Variants in CEP95 observed in about 807,000 individuals in gnomAD.
CEP95 encodes centrosomal protein of 95 kDa.
Under a neutral mutation model 111.2 loss-of-function variants are expected in CEP95, and 98 were observed. The ratio of observed to expected loss-of-function variants is 0.88; its 90% CI spans 0.75 to 1.04. The LOEUF is 1.04. CEP95 is among the 50% of genes least tolerant of loss of function. The pLI, the probability that CEP95 is intolerant of heterozygous loss-of-function variation, is 0.00. For missense variants in CEP95, 1,027 were observed against 977.2 expected, an observed-to-expected ratio of 1.05 and a Z score of -0.68; for synonymous variants, 323 against 327.1, an observed-to-expected ratio of 0.99 and a Z score of 0.14.
At chr17:64,508,850 TATTAA>T (rs1271446405) in intron 2 of CEP95, 130 bp downstream of exon 2, 44 of 214,034 alleles carry the variant, frequency 2.1e-4, no homozygotes, top group Non-Finnish European at 3.9e-4. Flanking sequence ...TAATATTGCA[TATTAA>T]ATTCTATATT....
At chr17:64,522,009 A>G (rs552510612) in intron 7 of CEP95, among the ~76,000 whole-genome samples, 1 of 152,060 alleles carries the variant, frequency 6.6e-6, no homozygotes, top group African/African-American at 2.4e-5. Context: ...GGCGCTTGCT[A>G]CCACGCCCAG....
In CEP95 at chr17:64,511,021, CCAG is replaced by C. The variant is rs533172868; in HGVS notation, c.256+744_256+746del. Reference sequence around the variant, plus strand: ...CGTGATGCCCCACAAGCTGCAAAAACCAGCAAGTTTTTATTAGGGATTTTCAAA... The same window carrying C: ...CGTGATGCCCCACAAGCTGCAAAAACCAAGTTTTTATTAGGGATTTTCAAA... On this transcript the variant is annotated intron_variant, in intron 3 of 19. Coordinates refer to ENST00000556440, the MANE Select transcript of CEP95 (RefSeq NM_138363.3). Among the ~76,000 whole-genome samples the C allele has an allele frequency of 4.3e-4, 65 of 152,228 alleles. 1 individual carries two copies. In the East Asian group the frequency reaches 0.012, roughly 28 times the overall value.
Position 64,531,960 on chromosome 17 carries a change from C to T in CEP95, c.1610C>T (p.Ser537Phe), listed in dbSNP as rs781956286. 3 of 1,611,092 alleles carry T rather than the reference C, an allele frequency of 1.9e-6. No homozygotes were observed. The highest frequency in any genetic ancestry group is 1.7e-5 in the Admixed American group (1 of 59,170). ...TGTAGTCAGCCCTGGAAGATTTACT[C>T]TAGAAAAACCACAACGCAGAGTCTA... The part of the protein sequence containing the change: ...PECSQPWKIY[S>F]RKTTTQSLRG... The change falls in exon 14 of 20, where the codon TCT (serine) becomes TTT (phenylalanine). Residue 537 changes from serine to phenylalanine, a missense_variant. Transcript: ENST00000556440.
chr17:64,507,864 A>C (rs1332979556), intron 1 of CEP95: 1 of 985,450 alleles, frequency 1.0e-6, no homozygotes, highest in South Asian at 4.7e-5. Context: ...TTCAAGGAAC[A>C]AGTATTTTAA....
intron 5 of CEP95, among the ~76,000 whole-genome samples, chr17:64,518,833 A>G (rs543313783): frequency 6.6e-6 from 1 of 152,196 alleles, no homozygotes; most frequent in Admixed American, 6.5e-5. Flanking sequence ...GGCGCCTGCC[A>G]CCACGTCCAG....
intron 11 of CEP95, among the ~76,000 whole-genome samples, chr17:64,527,472 A>G (rs1051496152): frequency 9.2e-5 from 14 of 152,178 alleles, no homozygotes; most frequent in African/African-American, 3.4e-4. Flanking sequence ...TGTTTAAGAA[A>G]TAAAACAGTA....
chr17:64,529,870 G>A (rs530897731), intron 12 of CEP95, among the ~76,000 whole-genome samples: 3 of 152,300 alleles, frequency 2.0e-5, no homozygotes, highest in African/African-American at 7.2e-5. Flanking sequence ...GTGGAATGTG[G>A]ATTTTGAAAT....
rs558652447 is a variant in CEP95, at chr17:64,510,909, C to T, written c.256+629C>T. ...CTTTTCTATTTTATCTAAGCATCGG[C>T]AGGTTTGAGAAATAAAGGGACAGAG... On this transcript the variant is annotated intron_variant, in intron 3 of 19. Coordinates refer to ENST00000556440, the MANE Select transcript of CEP95 (RefSeq NM_138363.3). Among the ~76,000 whole-genome samples the T allele has an allele frequency of 4.6e-5, 7 of 152,194 alleles. No individual in the cohort carries two copies. In the East Asian group the frequency reaches 1.2e-3, roughly 25 times the overall value.
At chr17:64,536,837 C>T (rs782493914) in intron 18 of CEP95, 89 bp downstream of exon 18, 2 of 1,443,306 alleles carry the variant, frequency 1.4e-6, no homozygotes, top group Non-Finnish European at 1.9e-6. Flanking sequence ...TGACAATAAA[C>T]CTTGTGTTAA....
intron 8 of CEP95, 32 bp downstream of exon 8, chr17:64,522,927 G>C (rs1967474594): frequency 1.3e-6 from 2 of 1,522,764 alleles, no homozygotes. Flanking sequence ...CAGTTGGCTA[G>C]AAGTACACTT....
chr17:64,512,971 A>G (rs1278758282), intron 3 of CEP95, among the ~76,000 whole-genome samples: 1 of 152,188 alleles, frequency 6.6e-6, no homozygotes, highest in Non-Finnish European at 1.5e-5. Context: ...GAAAAATTGT[A>G]AAACAGTTTC....
intron 2 of CEP95, among the ~76,000 whole-genome samples, chr17:64,509,707 A>G (rs2038784142): frequency 6.6e-6 from 1 of 151,906 alleles, no homozygotes; most frequent in Admixed American, 6.6e-5. Flanking sequence ...ATAAACATAC[A>G]TATGTGTATA....
intron 13 of CEP95, among the ~76,000 whole-genome samples, chr17:64,531,356 C>G (rs1968268854): frequency 6.6e-6 from 1 of 152,150 alleles, no homozygotes; most frequent in Non-Finnish European, 1.5e-5. Context: ...GACAGAACAT[C>G]CTAGTTGGCT....
chr17:64,537,327 G>A, intron 19 of CEP95: 2 of 1,405,590 alleles, frequency 1.4e-6, no homozygotes, highest in Non-Finnish European at 1.9e-6. Flanking sequence ...CCATCATTAA[G>A]TGACACATGA....
At chr17:64,537,440 T>C in intron 19 of CEP95, 163 bp from the exon 20 acceptor site, 2 of 1,382,072 alleles carry the variant, frequency 1.4e-6, no homozygotes, top group South Asian at 3.9e-5. Flanking sequence ...AAGACATTTT[T>C]ATCCTATGAT....
Position 64,519,170 on chromosome 17 carries a change from T to C in CEP95, c.474-151T>C, listed in dbSNP as rs1394938942. ...TATACAGCTATTTCTACCATTCATA[T>C]ATCAGTGAAAACAAAACATAAGCAG... On this transcript the variant is annotated intron_variant, in intron 5 of 19. Transcript: ENST00000556440. The C allele has an allele frequency of 8.4e-6, 5 of 594,706 alleles. No homozygotes were observed. The East Asian group carries it at 1.4e-4, about 16-fold the overall frequency. The allele number at this position is 594,706 out of a possible 1,614,324, so 36.8% of individuals were successfully genotyped here. A position where few individuals can be genotyped will look rare whatever the true frequency, so the allele number is the denominator to read the frequency against.
intron 1 of CEP95, chr17:64,508,073 A>AT: frequency 1.0e-6 from 1 of 985,452 alleles, no homozygotes; most frequent in Non-Finnish European, 1.2e-6. Flanking sequence ...TGTTGTTATT[A>AT]TACCAGTTCT....
chr17:64,508,715 T>C lies in CEP95; in HGVS notation c.143T>C (p.Val48Ala). Residue 48 changes from valine (V) to alanine (A), a missense_variant, in exon 2 of 20, where the codon GTA becomes GCA. Transcript: ENST00000556440. ...ALYQSILGEK[V>A]PDLIVIPRSQ... ...TATCAGTCTATTTTGGGAGAAAAGGTACCAGGTAAGAATACTAAAAGCAGG... is the reference window on the plus strand; with the variant it reads ...TATCAGTCTATTTTGGGAGAAAAGGCACCAGGTAAGAATACTAAAAGCAGG... 1 of 1,396,680 alleles carries C rather than the reference T, an allele frequency of 7.2e-7. No individual in the cohort carries two copies. Among genetic ancestry groups the C allele is most frequent in the Non-Finnish European group, 9.4e-7 (1 of 1,064,656 alleles). 86.5% of individuals were successfully genotyped at this position (1,396,680 alleles called of 1,614,324 possible). A position where few individuals can be genotyped will look rare whatever the true frequency, so the allele number is the denominator to read the frequency against.
chr17:64,514,677 A>G (rs1339658730), intron 4 of CEP95: 1 of 376,122 alleles, frequency 2.7e-6, no homozygotes, highest in Non-Finnish European at 4.7e-6. Flanking sequence ...TTCGTGTGTC[A>G]GAACTGCTAT....
Sources: gnomAD v4.1 joint callset for allele counts (sites outside exome capture counted in the v4.1 genomes callset) on GRCh38, gnomAD v4.1.1 for gene constraint, MANE v1.5 for transcripts, NCBI Gene and HGNC (gene_info 2026-07-23, HGNC 2026-07-21) for gene names.